NPNT: variants seen among roughly 807,000 people sequenced by gnomAD.
The protein encoded by NPNT is nephronectin, also known as preosteoblast EGF-like repeat protein with MAM domain.
In NPNT, 45 loss-of-function variants were observed where a neutral mutation model predicts 68.6. The observed-to-expected ratio is 0.66, with a 90% confidence interval of 0.52 to 0.84. The LOEUF (loss-of-function observed/expected upper bound fraction) is 0.84, where lower values mean the gene tolerates loss of function less well. Ranked by LOEUF, NPNT falls within the 40% of genes least tolerant of loss-of-function variation. The pLI is 0.00. For synonymous variants in NPNT, 233 were observed against 253.3 expected (o/e 0.92, Z 0.76); for missense variants, 672 against 714.8 (o/e 0.94, Z 0.68).
intron 2 of NPNT, chr4:105,912,528 T>C: frequency 1.3e-6 from 1 of 757,178 alleles, no homozygotes; most frequent in Non-Finnish European, 1.7e-6. Context: ...ACAGTTTATG[T>C]TTTTAATACT....
intron 10 of NPNT, among the ~76,000 whole-genome samples, chr4:105,965,885 G>A (rs1428731910): frequency 6.6e-6 from 1 of 152,190 alleles, no homozygotes. Flanking sequence ...GTAACACAGA[G>A]GTTTGGGGGA....
At chr4:105,917,246 C>A (rs868817263) in intron 2 of NPNT, among the ~76,000 whole-genome samples, 44 of 152,200 alleles carry the variant, frequency 2.9e-4, no homozygotes, top group African/African-American at 8.4e-4. Flanking sequence ...ACTTCTGCTG[C>A]TTCATGCCTG....
chr4:105,966,737 T>G (rs1441241782), intron 10 of NPNT, among the ~76,000 whole-genome samples: 1 of 152,008 alleles, frequency 6.6e-6, no homozygotes, highest in Non-Finnish European at 1.5e-5. Flanking sequence ...CACCATCTGC[T>G]TTACTGTTCA....
At chr4:105,964,804 A>G (rs1480784376) in intron 10 of NPNT, among the ~76,000 whole-genome samples, 1 of 152,206 alleles carries the variant, frequency 6.6e-6, no homozygotes, top group Non-Finnish European at 1.5e-5. Flanking sequence ...TTTTTATCTT[A>G]ACATGCAAAT....
chr4:105,918,291 T>C (rs1330482271), intron 2 of NPNT, among the ~76,000 whole-genome samples: 1 of 152,242 alleles, frequency 6.6e-6, no homozygotes, highest in African/African-American at 2.4e-5. Context: ...TCAACTCATG[T>C]ATCAGTGACT....
intron 2 of NPNT, among the ~76,000 whole-genome samples, chr4:105,924,489 G>T (rs1232889225): frequency 6.6e-6 from 1 of 152,136 alleles, no homozygotes; most frequent in East Asian, 1.9e-4. Flanking sequence ...TAATCTAAGG[G>T]TTCCTGGTTA....
Position 105,895,506 on chromosome 4 carries a change from C to T in NPNT, c.-147C>T, listed in dbSNP as rs977182695. The T allele has an allele frequency of 3.1e-6, 2 of 654,284 alleles. No individual in the cohort carries two copies. Among genetic ancestry groups the T allele is most frequent in the Admixed American group, 3.1e-5 (1 of 32,460 alleles). The allele number at this position is 654,284 out of a possible 1,614,324, so 40.5% of individuals were successfully genotyped here. ...CCTGCTCCGGCCGCGCGCCTCGCCG[C>T]TGTCCTCCGGGAGCGGCAGCAGTAG... On this transcript the variant is annotated 5_prime_UTR_variant, in exon 1 of 12. Transcript: ENST00000379987.
intron 2 of NPNT, among the ~76,000 whole-genome samples, chr4:105,898,373 TC>T (rs1560882078): frequency 4.5e-4 from 57 of 126,888 alleles, no homozygotes; most frequent in African/African-American, 1.8e-3. Flanking sequence ...TCTCTCTCTC[TC>T]TCTCTCGCTG....
chr4:105,944,728 T>G (rs1188449992), intron 8 of NPNT, among the ~76,000 whole-genome samples: 1 of 152,198 alleles, frequency 6.6e-6, no homozygotes, highest in Admixed American at 6.5e-5. Context: ...CTTTAGAAAC[T>G]CCTGCCAAAA....
chr4:105,962,307 G>GAACCAT (rs1731778844), intron 10 of NPNT, among the ~76,000 whole-genome samples: 1 of 152,168 alleles, frequency 6.6e-6, no homozygotes, highest in Non-Finnish European at 1.5e-5. Flanking sequence ...ACAGGCAAAG[G>GAACCAT]AACCATAACG....
At chr4:105,956,309 T>C (rs2149397575) in intron 8 of NPNT, among the ~76,000 whole-genome samples, 1 of 152,120 alleles carries the variant, frequency 6.6e-6, no homozygotes, top group South Asian at 2.1e-4. Flanking sequence ...CCAACCCCAA[T>C]GCTATGCTTT....
intron 2 of NPNT, among the ~76,000 whole-genome samples, chr4:105,898,411 G>A (rs1309332679): frequency 6.9e-6 from 1 of 144,132 alleles, no homozygotes; most frequent in African/African-American, 2.6e-5. Context: ...CTGGGAGATG[G>A]GGATAAGATA....
At chr4:105,902,277 G>A (rs1726482843) in intron 2 of NPNT, among the ~76,000 whole-genome samples, 1 of 152,202 alleles carries the variant, frequency 6.6e-6, no homozygotes. Context: ...TCCACAGAGA[G>A]GTTATACTAG....
Position 105,970,847 on chromosome 4 carries a change from T to G in NPNT, c.*1857T>G. ...TTGGACAAGGCTTAATTTAGGCATTTCCCTCTTGACCTCCTAATGGAGAGG... is the reference window on the plus strand; with the variant it reads ...TTGGACAAGGCTTAATTTAGGCATTGCCCTCTTGACCTCCTAATGGAGAGG... On this transcript the variant is annotated 3_prime_UTR_variant, in exon 12 of 12. Coordinates refer to ENST00000379987, the MANE Select transcript of NPNT (RefSeq NM_001033047.3). 1 of 313,020 alleles carries G rather than the reference T, an allele frequency of 3.2e-6. No individual in the cohort carries two copies. Among genetic ancestry groups the G allele is most frequent in the Non-Finnish European group, 6.2e-6 (1 of 160,344 alleles). 19.4% of individuals were successfully genotyped at this position (313,020 alleles called of 1,614,324 possible).
chr4:105,924,764 G>A (rs1226283055), intron 2 of NPNT, among the ~76,000 whole-genome samples: 9 of 151,670 alleles, frequency 5.9e-5, no homozygotes, highest in Admixed American at 3.9e-4. Context: ...CAGCCTGGGG[G>A]CCTCAAGTTT....
chr4:105,907,649 T>C lies in NPNT; in HGVS notation c.172+9648T>C, dbSNP rs561291971. On this transcript the variant is annotated intron_variant, in intron 2 of 11. Coordinates refer to ENST00000379987, the MANE Select transcript of NPNT (RefSeq NM_001033047.3). ...ACCAGCTACAACCATAGAAAAATAC[T>C]AGTAGCATATTGATGGTGCATCCCT... is the stretch of plus-strand genomic sequence containing the variant. Among the ~76,000 whole-genome samples, 50 of 152,208 alleles carry C rather than the reference T, an allele frequency of 3.3e-4. 1 individual carries two copies. The South Asian group carries it at 0.01, about 31-fold the overall frequency.
intron 8 of NPNT, among the ~76,000 whole-genome samples, chr4:105,958,255 T>A (rs1731394895): frequency 6.6e-6 from 1 of 152,158 alleles, no homozygotes; most frequent in Non-Finnish European, 1.5e-5. Flanking sequence ...CTTTTGAAAA[T>A]CATTTTTAAA....
intron 6 of NPNT, 23 bp from the exon 7 acceptor site, chr4:105,940,491 T>G (rs746734136): frequency 6.2e-7 from 1 of 1,603,872 alleles, no homozygotes; most frequent in South Asian, 1.1e-5. Flanking sequence ...ATAAGTCTCT[T>G]CTTTTCCTAC....
At chr4:105,931,396 G>A (rs987222001) in intron 3 of NPNT, among the ~76,000 whole-genome samples, 1 of 152,056 alleles carries the variant, frequency 6.6e-6, no homozygotes, top group African/African-American at 2.4e-5. Context: ...AAGAATTGGA[G>A]TCTTTTAGGT....
Sources: gnomAD v4.1 joint callset for allele counts (sites outside exome capture counted in the v4.1 genomes callset) on GRCh38, gnomAD v4.1.1 for gene constraint, MANE v1.5 for transcripts, NCBI Gene and HGNC (gene_info 2026-07-23, HGNC 2026-07-21) for gene names.